Variants in RTEL1 observed in about 807,000 individuals in gnomAD.
RTEL1 encodes regulator of telomere elongation helicase 1, also known as regulator of telomere length.
In RTEL1, 86 loss-of-function variants were observed where a neutral mutation model predicts 162.2. The ratio of observed to expected loss-of-function variants is 0.53; its 90% CI spans 0.45 to 0.63. The LOEUF (loss-of-function observed/expected upper bound fraction) is 0.63. RTEL1 is among the 30% of genes least tolerant of loss of function. The pLI is 0.00. For missense variants in RTEL1, 1,941 were observed against 1,750.2 expected (o/e 1.11, Z -1.95); for synonymous variants, 958 against 717.9 (o/e 1.33, Z -5.35).
Position 63,661,919 on chromosome 20 carries a change from A to G in RTEL1, c.371A>G (p.Asn124Ser), listed in dbSNP as rs3848668. 0.073 allele frequency: 117,970 copies of G among 1,613,524 alleles called. 4,760 individuals carry two copies. The highest frequency in any genetic ancestry group is 0.083 in the Non-Finnish European group (98,348 of 1,179,680). The change falls in exon 4 of 35, where the codon AAC (asparagine) becomes AGC (serine). Residue 124 changes from asparagine (N) to serine (S), a missense_variant. By Grantham distance (46) the Asn-to-Ser change is conservative. Coordinates refer to ENST00000360203, the MANE Select transcript of RTEL1 (RefSeq NM_001283009.2). This position sits in a 1 kb window ranked among gnomAD's most constrained non-coding sequence, Gnocchi z 5.1. ...CACTCGCAACTCACACAGGTCATCAACGAGCTTCGGAACACCTCCTACCGG... is the reference window on the plus strand; with the variant it reads ...CACTCGCAACTCACACAGGTCATCAGCGAGCTTCGGAACACCTCCTACCGG... Reference protein sequence around the residue: ...RTHSQLTQVINELRNTSYRPK... With the variant: ...RTHSQLTQVISELRNTSYRPK...
chr20:63,663,177 C>T (rs2090054814), intron 6 of RTEL1, among the ~76,000 whole-genome samples: 1 of 152,218 alleles, frequency 6.6e-6, no homozygotes, highest in African/African-American at 2.4e-5. Context: ...TCTCCCTGCA[C>T]CTAACCTGCT....
At position 63,680,727 on chromosome 20, in the gene RTEL1, CT is replaced by C. The variant is rs1254308344; in HGVS notation, c.1191+9del. The C allele has an allele frequency of 4.3e-6, 7 of 1,613,342 alleles. No individual in the cohort carries two copies. The highest frequency in any genetic ancestry group is 5.9e-6 in the Non-Finnish European group (7 of 1,179,956). On this transcript the variant is annotated intron_variant, in intron 14 of 34. Coordinates refer to ENST00000360203, the MANE Select transcript of RTEL1 (RefSeq NM_001283009.2). ...CTGGCGGACATTATCCAGGTGGGGCCTGCTCCTCTGTGGCATCTCCTTCCCT... is the reference window on the plus strand; with the variant it reads ...CTGGCGGACATTATCCAGGTGGGGCCGCTCCTCTGTGGCATCTCCTTCCCT...
intron 10 of RTEL1, among the ~76,000 whole-genome samples, chr20:63,674,602 G>A (rs1389019725): frequency 1.3e-5 from 2 of 151,974 alleles, no homozygotes; most frequent in Non-Finnish European, 2.9e-5. Context: ...TCCGGAGGCC[G>A]AAGTGGGAGG....
chr20:63,662,556 T>C lies in RTEL1; in HGVS notation c.406T>C (p.Cys136Arg). 1 of 1,613,950 alleles carries C rather than the reference T, an allele frequency of 6.2e-7. No individual in the cohort carries two copies. Among genetic ancestry groups the C allele is most frequent in the Non-Finnish European group, 8.5e-7 (1 of 1,179,992 alleles). Reference protein sequence around the residue: ...LRNTSYRPKVCVLGSREQLCI... With the variant: ...LRNTSYRPKVRVLGSREQLCI... Reference sequence around the variant, plus strand: ...GCTCTCTCCCACCAGGCCTAAGGTGTGTGTGCTGGGCTCCCGGGAGCAGCT... The same window carrying C: ...GCTCTCTCCCACCAGGCCTAAGGTGCGTGTGCTGGGCTCCCGGGAGCAGCT... The change falls in exon 5 of 35, where the codon TGT (cysteine) becomes CGT (arginine). Residue 136 changes from cysteine to arginine, a missense_variant. Coordinates refer to ENST00000360203, the MANE Select transcript of RTEL1 (RefSeq NM_001283009.2).
chr20:63,672,840 G>A (rs1366550056), intron 9 of RTEL1, among the ~76,000 whole-genome samples: 1 of 152,196 alleles, frequency 6.6e-6, no homozygotes, highest in Non-Finnish European at 1.5e-5. Flanking sequence ...GGACCTGCCC[G>A]TCAGGCGCAG....
At chr20:63,663,050 C>A in intron 6 of RTEL1, 161 bp downstream of exon 6, 1 of 682,186 alleles carries the variant, frequency 1.5e-6, no homozygotes. Context: ...CCATGTTAGA[C>A]TTCTGTGTGG....
chr20:63,676,551 C>T (rs1225233123), intron 10 of RTEL1, among the ~76,000 whole-genome samples: 1 of 152,192 alleles, frequency 6.6e-6, no homozygotes, highest in Non-Finnish European at 1.5e-5. Flanking sequence ...CTAATTCCAT[C>T]ATCTAGTCAG....
intron 4 of RTEL1, chr20:63,662,258 A>C: frequency 1.6e-6 from 1 of 634,230 alleles, no homozygotes; most frequent in Non-Finnish European, 2.8e-6. Flanking sequence ...CACATGAAGT[A>C]GGAGGAGGCC....
At chr20:63,662,778 G>A (rs764519213) in intron 5 of RTEL1, 51 bp from the exon 6 acceptor site, 27 of 1,608,150 alleles carry the variant, frequency 1.7e-5, no homozygotes, top group South Asian at 2.2e-5. Context: ...GACTGGCTTC[G>A]GTCCTTTCTT....
chr20:63,662,541 A>G lies in RTEL1; in HGVS notation c.396-5A>G. The G allele has an allele frequency of 6.2e-7, 1 of 1,613,754 alleles. No homozygotes were observed. Among genetic ancestry groups the G allele is most frequent in the Non-Finnish European group, 8.5e-7 (1 of 1,179,948 alleles). ...TCCTCGACCCACGGTGCTCTCTCCCACCAGGCCTAAGGTGTGTGTGCTGGG... is the reference window on the plus strand; with the variant it reads ...TCCTCGACCCACGGTGCTCTCTCCCGCCAGGCCTAAGGTGTGTGTGCTGGG... On this transcript the variant is annotated splice_polypyrimidine_tract_variant and splice_region_variant and intron_variant, in intron 4 of 34. Transcript: ENST00000360203.
chr20:63,677,044 A>C (rs1430933155), intron 10 of RTEL1, among the ~76,000 whole-genome samples: 1 of 51,070 alleles, frequency 2.0e-5, no homozygotes, highest in Non-Finnish European at 3.5e-5. Flanking sequence ...CAGTTGCTGC[A>C]CCTTGAGGTG....
intron 34 of RTEL1, 25 bp downstream of exon 34, chr20:63,695,675 C>G (rs1230944775): frequency 6.2e-7 from 1 of 1,610,846 alleles, no homozygotes; most frequent in Non-Finnish European, 8.5e-7. Context: ...ACTACAGTTC[C>G]TGCTGGGTGT....
At chr20:63,692,103 T>G (rs944806269) in intron 28 of RTEL1, 1 of 430,338 alleles carries the variant, frequency 2.3e-6, no homozygotes, top group African/African-American at 2.0e-5. Context: ...GCCCTGGCAT[T>G]TCCCTCAAGT....
intron 26 of RTEL1, 26 bp from the exon 27 acceptor site, chr20:63,690,779 C>T (rs757157165): frequency 6.3e-7 from 1 of 1,585,246 alleles, no homozygotes; most frequent in East Asian, 2.3e-5. Context: ...CCGTGGGCTT[C>T]ACTGCGCACT....
intron 26 of RTEL1, 62 bp downstream of exon 26, chr20:63,690,503 G>GGGGGGGGGGGGGGGGGGGGGGC: frequency 3.9e-6 from 4 of 1,028,422 alleles, no homozygotes; most frequent in Middle Eastern, 2.9e-4. Flanking sequence ...CGTGGGGCGG[G>GGGGGGGGGGGGGGGGGGGGGGC]CAGCACCAGG....
intron 26 of RTEL1, 114 bp downstream of exon 26, chr20:63,690,555 C>T (rs1335545016): frequency 1.1e-5 from 15 of 1,315,672 alleles, no homozygotes; most frequent in Non-Finnish European, 1.5e-5. Context: ...GTGCGCTTCC[C>T]CTCCCACCTC....
chr20:63,674,025 A>G lies in RTEL1; in HGVS notation c.851A>G (p.Glu284Gly), dbSNP rs1485187702. Reference protein sequence around the residue: ...SGLDVIDQVLEEQTKAAQQGE... With the variant: ...SGLDVIDQVLGEQTKAAQQGE... ...CTGGACGTCATAGACCAGGTGCTGG[A>G]GGAGCAGACCAAGGCAGCGCAGCAG... is the stretch of plus-strand genomic sequence containing the variant. Residue 284 changes from glutamate (E) to glycine (G), a missense_variant, in exon 10 of 35, where the codon GAG becomes GGG. Glu to Gly is a moderately conservative substitution (Grantham distance 98). Coordinates refer to ENST00000360203, the MANE Select transcript of RTEL1 (RefSeq NM_001283009.2). The G allele has an allele frequency of 1.2e-6, 2 of 1,614,118 alleles. No homozygotes were observed. The highest frequency in any genetic ancestry group is 1.7e-6 in the Non-Finnish European group (2 of 1,180,032).
rs1465815590 is a variant in RTEL1 at position 63,695,055 on chromosome 20, G to T, written c.3344-11G>T. On this transcript the variant is annotated splice_polypyrimidine_tract_variant and intron_variant, in intron 32 of 34. Transcript: ENST00000360203. ...GGGGGCTGTGCCGGGTCTGATTGAA[G>T]CTCCCCGCAGGGTTCAGCATGTTTG... 3 of 1,611,140 alleles carry T rather than the reference G, an allele frequency of 1.9e-6. No homozygotes were observed. The highest frequency in any genetic ancestry group is 2.2e-5 in the South Asian group (2 of 91,046).
chr20:63,670,536 A>C (rs1391991992), intron 8 of RTEL1, among the ~76,000 whole-genome samples: 1 of 152,258 alleles, frequency 6.6e-6, no homozygotes, highest in African/African-American at 2.4e-5. Flanking sequence ...GGGAGCCGAC[A>C]CTGTGGTCCC....
Sources: gnomAD v4.1 joint callset for allele counts (sites outside exome capture counted in the v4.1 genomes callset) on GRCh38, gnomAD v4.1.1 for gene constraint, Gnocchi (gnomAD v3.1) non-coding constraint, MANE v1.5 for transcripts, NCBI Gene and HGNC (gene_info 2026-07-23, HGNC 2026-07-21) for gene names.